The following EXOC6B variants were observed in gnomAD, a reference collection of about 807,000 sequenced individuals.
EXOC6B encodes exocyst complex component 6B.
EXOC6B carries 54 observed loss-of-function variants against 113.5 expected under a neutral mutation model. The observed-to-expected ratio is 0.48, with a 90% CI of 0.38 to 0.60. The LOEUF (loss-of-function observed/expected upper bound fraction) is 0.60. Among genes scored for constraint, EXOC6B ranks in the 20% least tolerant of loss-of-function variants. The probability of loss-of-function intolerance (pLI) is 0.00; values close to 1 mark genes in which losing one functional copy is unlikely to be tolerated. For missense variants in EXOC6B, 797 were observed against 977.5 expected (o/e 0.82, Z 2.46); for synonymous variants, 357 against 339.0 (o/e 1.05, Z -0.58).
rs1368724040 is a variant in EXOC6B at position 72,515,141 on chromosome 2, A to C, written c.916-15T>G. ...TCCCGGGCACCCTGTAAATAAAGAAAAGAAAATGGGTTGACACAATTGGAC... is the reference window on the plus strand; with the variant it reads ...TCCCGGGCACCCTGTAAATAAAGAACAGAAAATGGGTTGACACAATTGGAC... On this transcript the variant is annotated splice_polypyrimidine_tract_variant and intron_variant, in intron 8 of 21. Coordinates refer to ENST00000272427, the MANE Select transcript of EXOC6B (RefSeq NM_015189.3). 1 of 1,583,268 alleles carries C rather than the reference A, an allele frequency of 6.3e-7. No individual in the cohort carries two copies. The highest frequency in any genetic ancestry group is 1.8e-5 in the Admixed American group (1 of 56,002).
rs1191263569 is a variant in EXOC6B, at chr2:72,671,785, AAGAAAGAAAG to A, written c.669+46308_669+46317del. Among the ~76,000 whole-genome samples the A allele has an allele frequency of 3.6e-3, 461 of 128,240 alleles. 5 individuals carry two copies. Among genetic ancestry groups the A allele is most frequent in the African/African-American group, 0.015 (432 of 29,140 alleles). 84.1% of individuals were successfully genotyped at this position (128,240 alleles called of 152,430 possible). On this transcript the variant is annotated intron_variant, in intron 6 of 21. Coordinates refer to ENST00000272427, the MANE Select transcript of EXOC6B (RefSeq NM_015189.3). ...AAAGAAAGAAAGAAAGAAAGAAAGA[AAGAAAGAAAG>A]AAAGAAAGAAAGAAAGAAAGAAAGA...
chr2:72,581,190 G>C (rs1230277715), intron 6 of EXOC6B, among the ~76,000 whole-genome samples: 3 of 152,162 alleles, frequency 2.0e-5, no homozygotes, highest in African/African-American at 7.2e-5. Flanking sequence ...GCCACTTCAA[G>C]TCTCACCAAA....
chr2:72,412,130 T>C (rs1694225552), intron 18 of EXOC6B, among the ~76,000 whole-genome samples: 1 of 151,940 alleles, frequency 6.6e-6, no homozygotes, highest in Non-Finnish European at 1.5e-5. Flanking sequence ...ATGAAGAATG[T>C]AAGTCAAAGA....
intron 6 of EXOC6B, among the ~76,000 whole-genome samples, chr2:72,599,276 T>A (rs766111452): frequency 6.6e-6 from 1 of 151,870 alleles, no homozygotes; most frequent in Non-Finnish European, 1.5e-5. Flanking sequence ...ATATAATCCA[T>A]CACATCCATA....
chr2:72,613,482 C>T (rs1194513984), intron 6 of EXOC6B, among the ~76,000 whole-genome samples: 1 of 151,610 alleles, frequency 6.6e-6, no homozygotes, highest in Non-Finnish European at 1.5e-5. Flanking sequence ...AAACTTTAAA[C>T]AAAAATACAG....
intron 19 of EXOC6B, among the ~76,000 whole-genome samples, chr2:72,343,381 C>T (rs1394709830): frequency 1.3e-5 from 2 of 152,126 alleles, no homozygotes; most frequent in African/African-American, 2.4e-5. Flanking sequence ...GAGCCAAGAT[C>T]GTGCCACTGC....
chr2:72,268,226 T>C (rs1175316788), intron 20 of EXOC6B, among the ~76,000 whole-genome samples: 1 of 152,132 alleles, frequency 6.6e-6, no homozygotes, highest in East Asian at 1.9e-4. Flanking sequence ...TTCTTATGCC[T>C]CAGCCTCCCG....
chr2:72,592,684 C>A (rs1573452538), intron 6 of EXOC6B, among the ~76,000 whole-genome samples: 1 of 152,128 alleles, frequency 6.6e-6, no homozygotes, highest in Admixed American at 6.6e-5. Context: ...GTCTTCATCC[C>A]CACTGCCCAG....
rs1362983815 is a variant in EXOC6B at position 72,702,984 on chromosome 2, T to C, written c.669+15119A>G. ...GCCATTGCCTTTGGTGTTTTAGACA[T>C]GAAGTCCTTGCCCATGCCTATGTCC... On this transcript the variant is annotated intron_variant, in intron 6 of 21. Coordinates refer to ENST00000272427, the MANE Select transcript of EXOC6B (RefSeq NM_015189.3). 3.3e-5 allele frequency among the ~76,000 whole-genome samples: 5 copies of C among 151,684 alleles called. No individual in the cohort carries two copies. The East Asian group carries it at 5.8e-4, about 18-fold the overall frequency.
intron 18 of EXOC6B, among the ~76,000 whole-genome samples, chr2:72,409,115 A>G (rs1268740112): frequency 6.6e-6 from 1 of 152,220 alleles, no homozygotes; most frequent in Non-Finnish European, 1.5e-5. Flanking sequence ...CACATGAAAA[A>G]ATGCTTATCA....
At chr2:72,429,749 C>T (rs1695414646) in intron 18 of EXOC6B, among the ~76,000 whole-genome samples, 1 of 152,174 alleles carries the variant, frequency 6.6e-6, no homozygotes, top group Non-Finnish European at 1.5e-5. Context: ...AGGAATGCAG[C>T]TAAACATTCT....
intron 6 of EXOC6B, among the ~76,000 whole-genome samples, chr2:72,696,516 G>C (rs1238674158): frequency 3.3e-5 from 5 of 152,162 alleles, no homozygotes; most frequent in Admixed American, 3.3e-4. Context: ...CCATGTTCTT[G>C]ACTCTAAATT....
chr2:72,494,127 C>A (rs1386036658), intron 15 of EXOC6B, among the ~76,000 whole-genome samples: 1 of 151,942 alleles, frequency 6.6e-6, no homozygotes. Context: ...AGTTTTCAGG[C>A]AAAAACTTCA....
chr2:72,498,406 A>G, intron 13 of EXOC6B, 48 bp downstream of exon 13: 1 of 1,322,802 alleles, frequency 7.6e-7, no homozygotes, highest in Non-Finnish European at 1.1e-6. Flanking sequence ...ATGTGTGTAC[A>G]CTAATGTACA....
intron 20 of EXOC6B, among the ~76,000 whole-genome samples, chr2:72,288,568 CA>C (rs1264086880): frequency 6.6e-6 from 1 of 151,816 alleles, no homozygotes; most frequent in African/African-American, 2.4e-5. Flanking sequence ...TGACTCTCAT[CA>C]ATGTAATGTT....
At position 72,548,508 on chromosome 2, in the gene EXOC6B, T is replaced by G. The variant is rs529779104; in HGVS notation, c.915+10945A>C. On this transcript the variant is annotated intron_variant, in intron 8 of 21. Coordinates refer to ENST00000272427, the MANE Select transcript of EXOC6B (RefSeq NM_015189.3). ...GTAAATGACAAAATATTAGAACTTT[T>G]TGTTACTTATGTTATGATCCTTCCG... Among the ~76,000 whole-genome samples the G allele has an allele frequency of 3.3e-5, 5 of 152,312 alleles. No individual in the cohort carries two copies. The South Asian group carries it at 1.0e-3, about 32-fold the overall frequency.
chr2:72,233,611 T>A (rs900671560), intron 20 of EXOC6B, among the ~76,000 whole-genome samples: 5 of 152,008 alleles, frequency 3.3e-5, no homozygotes, highest in African/African-American at 1.2e-4. Flanking sequence ...AACTCTTGAG[T>A]CCAGGGGGAC....
Position 72,511,246 on chromosome 2 carries a change from C to A in EXOC6B, c.1167+1886G>T, listed in dbSNP as rs116559814. Among the ~76,000 whole-genome samples, 587 of 152,214 alleles carry A rather than the reference C, an allele frequency of 3.9e-3. 11 individuals carry two copies. Among genetic ancestry groups the A allele is most frequent in the African/African-American group, 0.014 (574 of 41,540 alleles). On this transcript the variant is annotated intron_variant, in intron 11 of 21. Coordinates refer to ENST00000272427, the MANE Select transcript of EXOC6B (RefSeq NM_015189.3). ...ATATTAACCAATCTCCTAGAACTTG[C>A]TGCTTAGATGGCACAAAGGCATCAC...
chr2:72,763,967 T>A (rs193152340), intron 1 of EXOC6B, among the ~76,000 whole-genome samples: 1 of 151,808 alleles, frequency 6.6e-6, no homozygotes, highest in African/African-American at 2.4e-5. Context: ...TAGTACCAGG[T>A]ACTCGGGAGG....
Sources: allele counts gnomAD v4.1 joint callset (sites outside exome capture counted in the v4.1 genomes callset), GRCh38; gene constraint gnomAD v4.1.1; transcripts MANE v1.5; gene names NCBI Gene and HGNC (gene_info 2026-07-23, HGNC 2026-07-21).